RGS3: variants seen among roughly 807,000 people sequenced by gnomAD.
RGS3 encodes regulator of G protein signaling 3.
Under a neutral mutation model 132.6 loss-of-function variants are expected in RGS3, and 80 were observed. The ratio of observed to expected loss-of-function variants is 0.60; its 90% CI spans 0.50 to 0.73. The LOEUF (loss-of-function observed/expected upper bound fraction) is 0.73, where lower values mean the gene tolerates loss of function less well. Ranked by LOEUF, RGS3 falls within the 30% of genes least tolerant of loss-of-function variation. The pLI, the probability that RGS3 is intolerant of heterozygous loss-of-function variation, is 0.00. For synonymous variants in RGS3, 598 were observed against 620.6 expected (o/e 0.96, Z 0.54); for missense variants, 1,382 against 1,530.8 (o/e 0.90, Z 1.62).
At chr9:113,454,988 C>A (rs1336737681) in intron 1 of RGS3, among the ~76,000 whole-genome samples, 1 of 152,090 alleles carries the variant, frequency 6.6e-6, no homozygotes, top group East Asian at 1.9e-4. Flanking sequence ...CCTCTGGGGC[C>A]CTCTCTTTGT....
intron 18 of RGS3, among the ~76,000 whole-genome samples, chr9:113,535,048 C>G (rs1832623535): frequency 6.6e-6 from 1 of 152,004 alleles, no homozygotes; most frequent in African/African-American, 2.4e-5. Context: ...TTGTCTTTGC[C>G]CCTAACCTGA....
chr9:113,467,508 C>T (rs1829683344), intron 3 of RGS3, among the ~76,000 whole-genome samples: 1 of 152,030 alleles, frequency 6.6e-6, no homozygotes, highest in Admixed American at 6.6e-5. Flanking sequence ...TTCATGTGCT[C>T]ATTATTTATA....
chr9:113,485,240 G>C (rs189842038), intron 6 of RGS3, among the ~76,000 whole-genome samples: 1 of 151,946 alleles, frequency 6.6e-6, no homozygotes. Context: ...GGCGCCTGCC[G>C]CCATGCCTGG....
upstream of RGS3, among the ~76,000 whole-genome samples, chr9:113,458,837 T>C (rs1829412382): frequency 6.6e-6 from 1 of 152,198 alleles, no homozygotes; most frequent in South Asian, 2.1e-4. Context: ...CTGCAACCTC[T>C]GCCTCCCGGG....
chr9:113,500,725 T>A (rs977341826), intron 10 of RGS3, among the ~76,000 whole-genome samples: 10 of 150,918 alleles, frequency 6.6e-5, no homozygotes, highest in Non-Finnish European at 1.2e-4. Context: ...TCTTTCTCTG[T>A]CACCCAGGCT....
rs368861026 is a variant in RGS3 at position 113,485,615 on chromosome 9, G to A, written c.621-10G>A. On this transcript the variant is annotated splice_polypyrimidine_tract_variant and intron_variant, in intron 6 of 24. Coordinates refer to ENST00000350696, the Ensembl canonical transcript of RGS3. ...TTACTAACACTCCGATGGTCTGATTGATTTCGCAGTCCTGTCCAAGAGGAG... is the reference window on the plus strand; with the variant it reads ...TTACTAACACTCCGATGGTCTGATTAATTTCGCAGTCCTGTCCAAGAGGAG... 6.1e-4 allele frequency: 974 copies of A among 1,590,686 alleles called. 2 individuals are homozygous for A. The highest frequency in any genetic ancestry group is 8.0e-4 in the Non-Finnish European group (940 of 1,168,142).
intron 20 of RGS3, among the ~76,000 whole-genome samples, chr9:113,584,912 A>G (rs1835042817): frequency 6.6e-6 from 1 of 152,240 alleles, no homozygotes; most frequent in Non-Finnish European, 1.5e-5. Flanking sequence ...TTTACAGCAG[A>G]GGAAACCGAG....
At position 113,463,799 on chromosome 9, in the gene RGS3, C is replaced by T. The variant is rs1349283247; in HGVS notation, c.415+1598C>T. 3.1e-6 allele frequency: 5 copies of T among 1,607,040 alleles called. No homozygotes were observed. The highest frequency in any genetic ancestry group is 1.3e-5 in the African/African-American group (1 of 74,538). ...CGCTCCTGTCCGGGTCGCAGTGGGA[C>T]GCCATGGAGCGCTCCCTGCACCGCG... On this transcript the variant is annotated intron_variant, in intron 3 of 24. The change creates a new upstream start codon in the 5' untranslated region. Coordinates refer to ENST00000350696, the Ensembl canonical transcript of RGS3. The surrounding 1 kb of genome is among the most constrained non-coding windows in gnomAD (Gnocchi z 4.6).
chr9:113,497,295 A>G lies in RGS3; in HGVS notation c.751-19A>G. 2 of 1,602,318 alleles carry G rather than the reference A, an allele frequency of 1.2e-6. No individual in the cohort carries two copies. Among genetic ancestry groups the G allele is most frequent in the Non-Finnish European group, 1.7e-6 (2 of 1,170,196 alleles). ...TCTGCCTCCTGTGTCTGAGCGTGCC[A>G]TTCCTTCTCTCGTGACAGGAGATCA... On this transcript the variant is annotated intron_variant, in intron 8 of 24. Transcript: ENST00000350696.
chr9:113,545,592 T>C (rs1363819668), intron 19 of RGS3, among the ~76,000 whole-genome samples: 2 of 152,316 alleles, frequency 1.3e-5, no homozygotes, highest in Non-Finnish European at 2.9e-5. Context: ...AAGAAGACAG[T>C]GCAACCTTAC....
upstream of RGS3, among the ~76,000 whole-genome samples, chr9:113,456,490 A>G (rs1434363967): frequency 6.6e-6 from 1 of 152,150 alleles, no homozygotes. Context: ...TCTTCTACTC[A>G]ATCACCATGG....
intron 23 of RGS3, 114 bp from the exon 22 acceptor site, chr9:113,595,485 T>G: frequency 8.4e-7 from 1 of 1,193,254 alleles, no homozygotes; most frequent in East Asian, 2.4e-5. Context: ...GGACGGGCAT[T>G]GTACTCAGCT....
chr9:113,499,142 G>A (rs766478740), intron 10 of RGS3, among the ~76,000 whole-genome samples: 3 of 149,298 alleles, frequency 2.0e-5, no homozygotes, highest in East Asian at 1.9e-4. Flanking sequence ...CAGAAGAATC[G>A]CTTGAACCTG....
chr9:113,557,299 T>C (rs908524750), intron 19 of RGS3, among the ~76,000 whole-genome samples: 16 of 152,250 alleles, frequency 1.1e-4, no homozygotes, highest in African/African-American at 3.9e-4. Flanking sequence ...GCTCACTCCC[T>C]TAGTGGTAGC....
intron 20 of RGS3, chr9:113,589,069 G>A (rs1292348999): frequency 6.6e-6 from 1 of 152,308 alleles, no homozygotes; most frequent in African/African-American, 2.4e-5. Flanking sequence ...TCTGCCTGGA[G>A]TGAAGGAAGG....
intron 24 of RGS3, 74 bp from the exon 23 acceptor site, chr9:113,596,694 C>T: frequency 7.5e-7 from 1 of 1,341,638 alleles, no homozygotes; most frequent in Non-Finnish European, 1.0e-6. Context: ...CTGGATGGGT[C>T]CCTTCCAGGC....
At position 113,583,493 on chromosome 9, in the gene RGS3, A is replaced by G. The variant is rs767480523; in HGVS notation, c.2081A>G (p.Glu694Gly). ...GATGAGAAGAGGGAGATGGCCTTGG[A>G]GGAAGGGAAGGGGCCTGGTGCCGAG... is the stretch of plus-strand genomic sequence containing the variant. Residue 694 changes from glutamate (E) to glycine (G), a missense_variant, in exon 20 of 25, where the codon GAG (glutamate) becomes GGG (glycine). Transcript: ENST00000350696. The G allele has an allele frequency of 2.5e-6, 4 of 1,614,144 alleles. No individual in the cohort carries two copies. The East Asian group carries it at 8.9e-5, about 36-fold the overall frequency.
intron 8 of RGS3, among the ~76,000 whole-genome samples, chr9:113,496,127 T>C (rs958990599): frequency 6.6e-6 from 1 of 152,174 alleles, no homozygotes; most frequent in Non-Finnish European, 1.5e-5. Context: ...GTTGAAGACA[T>C]TGGCAGATCC....
intron 19 of RGS3, among the ~76,000 whole-genome samples, chr9:113,575,425 G>A (rs1347300958): frequency 1.3e-5 from 2 of 152,238 alleles, no homozygotes; most frequent in Non-Finnish European, 1.5e-5. Context: ...GTCTGTGGTC[G>A]AATTCTTCCT....
Sources: gnomAD v4.1 joint callset for allele counts (sites outside exome capture counted in the v4.1 genomes callset) on GRCh38, gnomAD v4.1.1 for gene constraint, Gnocchi (gnomAD v3.1) non-coding constraint, MANE v1.5 for transcripts, NCBI Gene and HGNC (gene_info 2026-07-23, HGNC 2026-07-21) for gene names.